NDUFAF2: variants seen among roughly 807,000 people sequenced by gnomAD.
The protein encoded by NDUFAF2 is NADH dehydrogenase [ubiquinone] 1 alpha subcomplex assembly factor 2.
NDUFAF2 carries 13 observed loss-of-function variants against 22.8 expected under a neutral mutation model. The ratio of observed to expected loss-of-function variants is 0.57; its 90% CI spans 0.37 to 0.91. The LOEUF is 0.91. NDUFAF2 is among the 40% of genes least tolerant of loss of function. The probability of loss-of-function intolerance (pLI) is 0.01; values close to 1 mark genes in which losing one functional copy is unlikely to be tolerated. For synonymous variants in NDUFAF2, 53 were observed against 64.2 expected (o/e 0.83, Z 0.84); for missense variants, 162 against 195.2 (o/e 0.83, Z 1.01).
intron 2 of NDUFAF2, among the ~76,000 whole-genome samples, chr5:61,073,525 C>T (rs1752327811): frequency 6.6e-6 from 1 of 152,336 alleles, no homozygotes; most frequent in Non-Finnish European, 1.5e-5. Context: ...TGACCCAGCA[C>T]TTGCACAATC....
intron 1 of NDUFAF2, among the ~76,000 whole-genome samples, chr5:61,064,460 A>G (rs770815718): frequency 5.9e-5 from 9 of 152,110 alleles, no homozygotes; most frequent in Non-Finnish European, 1.2e-4. Flanking sequence ...GCTCTAGCAC[A>G]CATGCATAGA....
chr5:61,073,518 C>T (rs935589035), intron 2 of NDUFAF2, among the ~76,000 whole-genome samples: 3 of 152,162 alleles, frequency 2.0e-5, no homozygotes, highest in African/African-American at 7.2e-5. Flanking sequence ...CATGTAGTGA[C>T]CCAGCACTTG....
intron 3 of NDUFAF2, among the ~76,000 whole-genome samples, chr5:61,099,255 A>G (rs528264026): frequency 1.3e-5 from 2 of 151,294 alleles, no homozygotes; most frequent in African/African-American, 4.8e-5. Context: ...AAATTTGTAT[A>G]AATTTTAAAG....
intron 1 of NDUFAF2, among the ~76,000 whole-genome samples, chr5:61,014,840 A>G (rs1233105180): frequency 6.6e-6 from 1 of 152,150 alleles, no homozygotes; most frequent in East Asian, 1.9e-4. Flanking sequence ...CTTTTTTTGA[A>G]ACACTAAGAC....
chr5:61,142,598 A>G (rs879683510), intron 3 of NDUFAF2, among the ~76,000 whole-genome samples: 2 of 152,256 alleles, frequency 1.3e-5, no homozygotes, highest in Non-Finnish European at 2.9e-5. Flanking sequence ...TTGAATTTGA[A>G]TAAATTAAAT....
intron 1 of NDUFAF2, among the ~76,000 whole-genome samples, chr5:61,002,326 C>CG (rs1226863397): frequency 5.3e-5 from 8 of 152,094 alleles, no homozygotes; most frequent in African/African-American, 1.7e-4. Flanking sequence ...GGAGGGTATT[C>CG]AGCCTTAACT....
intron 1 of NDUFAF2, among the ~76,000 whole-genome samples, chr5:60,998,670 TC>T (rs1751257952): frequency 6.6e-6 from 1 of 152,044 alleles, no homozygotes; most frequent in South Asian, 2.1e-4. Flanking sequence ...TCTGTGATCA[TC>T]CTGTTTTTCC....
chr5:60,962,914 C>T (rs1222443281), intron 1 of NDUFAF2, among the ~76,000 whole-genome samples: 1 of 151,912 alleles, frequency 6.6e-6, no homozygotes, highest in Non-Finnish European at 1.5e-5. Context: ...GAGACAGAGT[C>T]CTGCTCTATA....
chr5:61,040,493 G>A (rs1751866870), intron 1 of NDUFAF2, among the ~76,000 whole-genome samples: 1 of 152,040 alleles, frequency 6.6e-6, no homozygotes, highest in African/African-American at 2.4e-5. Flanking sequence ...GTGATTCTTT[G>A]TTATGGCAGC....
intron 3 of NDUFAF2, among the ~76,000 whole-genome samples, chr5:61,135,082 C>T (rs1381693446): frequency 6.6e-6 from 1 of 151,060 alleles, no homozygotes; most frequent in African/African-American, 2.4e-5. Context: ...TAAATAAAAA[C>T]CTACAATATT....
At chr5:61,017,227 G>GTTA (rs1162207224) in intron 1 of NDUFAF2, among the ~76,000 whole-genome samples, 1 of 152,148 alleles carries the variant, frequency 6.6e-6, no homozygotes, top group African/African-American at 2.4e-5. Flanking sequence ...TCATACTGAT[G>GTTA]TTATGTTGAC....
At chr5:61,127,509 C>G (rs1176947728) in intron 3 of NDUFAF2, among the ~76,000 whole-genome samples, 1 of 152,026 alleles carries the variant, frequency 6.6e-6, no homozygotes, top group Non-Finnish European at 1.5e-5. Context: ...ATCCAGCATA[C>G]AAACAGAACC....
intron 3 of NDUFAF2, among the ~76,000 whole-genome samples, chr5:61,099,361 G>A (rs1193017422): frequency 1.3e-5 from 2 of 151,416 alleles, no homozygotes; most frequent in East Asian, 1.9e-4. Flanking sequence ...GGCCCTGGGG[G>A]TTCTCTGTGC....
intron 3 of NDUFAF2, among the ~76,000 whole-genome samples, chr5:61,128,463 G>A (rs1039264694): frequency 7.2e-5 from 11 of 152,016 alleles, no homozygotes; most frequent in Admixed American, 4.6e-4. Context: ...ATAGACCAAC[G>A]GAACAGAACA....
At chr5:61,135,527 A>G (rs1010319006) in intron 3 of NDUFAF2, among the ~76,000 whole-genome samples, 4 of 152,208 alleles carry the variant, frequency 2.6e-5, no homozygotes, top group Admixed American at 6.5e-5. Flanking sequence ...TTAATTGGTC[A>G]TGTGTGATCT....
chr5:61,079,518 G>T (rs1393433384), intron 2 of NDUFAF2, among the ~76,000 whole-genome samples: 1 of 152,182 alleles, frequency 6.6e-6, no homozygotes, highest in Non-Finnish European at 1.5e-5. Flanking sequence ...GACCCAAGAA[G>T]TATCTCGAAT....
rs539096284 is a variant in NDUFAF2, at chr5:61,086,447, T to C, written c.218-12545T>C. 2.0e-3 allele frequency among the ~76,000 whole-genome samples: 312 copies of C among 152,276 alleles called. 2 individuals carry two copies. The highest frequency in any genetic ancestry group is 7.2e-3 in the African/African-American group (300 of 41,578). On this transcript the variant is annotated intron_variant, in intron 2 of 3. Coordinates refer to ENST00000296597, the MANE Select transcript of NDUFAF2 (RefSeq NM_174889.5). ...AGGTGGTTTGGTACTGATGTAAGGA[T>C]AATTATACAATTAATGGAACCAACC... is the stretch of plus-strand genomic sequence containing the variant.
chr5:61,016,054 T>C (rs1476052227), intron 1 of NDUFAF2, among the ~76,000 whole-genome samples: 10 of 151,952 alleles, frequency 6.6e-5, no homozygotes, highest in Non-Finnish European at 1.5e-4. Context: ...GGCGTGGTGG[T>C]GCACGCCTTC....
intron 2 of NDUFAF2, among the ~76,000 whole-genome samples, chr5:61,090,009 C>T (rs80067515): frequency 0.015 from 2,221 of 151,328 alleles, 56 homozygotes; most frequent in African/African-American, 0.051. Flanking sequence ...CTCATGGTGA[C>T]GATAAGTGTG....
Sources: allele counts gnomAD v4.1 joint callset (sites outside exome capture counted in the v4.1 genomes callset), GRCh38; gene constraint gnomAD v4.1.1; transcripts MANE v1.5; gene names NCBI Gene and HGNC (gene_info 2026-07-23, HGNC 2026-07-21).